Variants in DOK6 observed in about 807,000 individuals in gnomAD.
The protein encoded by DOK6 is docking protein 6.
In DOK6, 22 loss-of-function variants were observed where a neutral mutation model predicts 44.0. The observed-to-expected ratio is 0.50, with a 90% CI of 0.36 to 0.71. The LOEUF (loss-of-function observed/expected upper bound fraction) is 0.71, where lower values mean the gene tolerates loss of function less well. Among genes scored for constraint, DOK6 ranks in the 30% least tolerant of loss-of-function variants. The pLI is 0.00. For synonymous variants in DOK6, 166 were observed against 145.5 expected, an observed-to-expected ratio of 1.14 and a Z score of -1.01; for missense variants, 340 against 416.4, an observed-to-expected ratio of 0.82 and a Z score of 1.60.
chr18:69,742,026 T>C (rs1312497776), intron 6 of DOK6, among the ~76,000 whole-genome samples: 1 of 152,198 alleles, frequency 6.6e-6, no homozygotes, highest in Non-Finnish European at 1.5e-5. Context: ...CCCACTTTCT[T>C]TGGGGGGCCA....
rs1296084519 is a variant in DOK6 at position 69,400,891 on chromosome 18, C to A, written c.-354C>A. ...CGGTGGTGCGCTCCGGCCAGCTGTG[C>A]GCCGCCGAGCGAGGCGCCAGCCCGT... On this transcript the variant is annotated 5_prime_UTR_variant, in exon 1 of 8. Coordinates refer to ENST00000382713, the MANE Select transcript of DOK6 (RefSeq NM_152721.6). Among the ~76,000 whole-genome samples the A allele has an allele frequency of 6.8e-6, 1 of 148,050 alleles. No homozygotes were observed. Among genetic ancestry groups the A allele is most frequent in the South Asian group, 2.1e-4 (1 of 4,826 alleles).
chr18:69,507,320 C>T (rs1455165935), intron 1 of DOK6, among the ~76,000 whole-genome samples: 1 of 152,140 alleles, frequency 6.6e-6, no homozygotes, highest in Admixed American at 6.5e-5. Flanking sequence ...AGCCACCGTG[C>T]CCAGCCGGTA....
chr18:69,841,977 T>TGTGTGTGC lies in DOK6; in HGVS notation c.*598_*599insGTGCGTGT, dbSNP rs1982237997. The TGTGTGTGC allele has an allele frequency of 6.5e-6, 1 of 153,088 alleles. No individual in the cohort carries two copies. Among genetic ancestry groups the TGTGTGTGC allele is most frequent in the Non-Finnish European group, 1.5e-5 (1 of 68,778 alleles). 9.5% of individuals were successfully genotyped at this position (153,088 alleles called of 1,614,324 possible). ...GTGTGTGTGTGCGTGTGTGTGTGTG[T>TGTGTGTGC]GTGTAGACAAATGGATATTGCTATA... On this transcript the variant is annotated 3_prime_UTR_variant, in exon 8 of 8. Coordinates refer to ENST00000382713, the MANE Select transcript of DOK6 (RefSeq NM_152721.6).
At chr18:69,478,705 T>C (rs1292324872) in intron 1 of DOK6, among the ~76,000 whole-genome samples, 1 of 152,186 alleles carries the variant, frequency 6.6e-6, no homozygotes, top group Non-Finnish European at 1.5e-5. Context: ...GAGTTTACTA[T>C]TTATCCAATA....
At chr18:69,464,710 GAAGA>G (rs1204383754) in intron 1 of DOK6, among the ~76,000 whole-genome samples, 1 of 152,182 alleles carries the variant, frequency 6.6e-6, no homozygotes, top group East Asian at 1.9e-4. Flanking sequence ...CGCTAATTGT[GAAGA>G]AAGTCAGTCT....
At chr18:69,626,895 A>T (rs745941734) in intron 3 of DOK6, among the ~76,000 whole-genome samples, 1 of 152,218 alleles carries the variant, frequency 6.6e-6, no homozygotes, top group Non-Finnish European at 1.5e-5. Flanking sequence ...TCTAAAGTAA[A>T]TGCTCCAAGG....
chr18:69,839,224 C>G (rs1357661255), intron 7 of DOK6, among the ~76,000 whole-genome samples: 1 of 150,570 alleles, frequency 6.6e-6, no homozygotes, highest in Middle Eastern at 3.3e-3. Context: ...CCCAGTCTCT[C>G]CCTAACTCAT....
chr18:69,481,587 G>A (rs1980423724), intron 1 of DOK6, among the ~76,000 whole-genome samples: 1 of 152,166 alleles, frequency 6.6e-6, no homozygotes. Context: ...ATACCATGGT[G>A]TATGTGTGCC....
intron 3 of DOK6, among the ~76,000 whole-genome samples, chr18:69,649,457 C>T: frequency 6.6e-6 from 1 of 152,100 alleles, no homozygotes. Context: ...CTAGGGTTGC[C>T]TCCCACTCAC....
At chr18:69,769,245 T>C (rs1979816303) in intron 7 of DOK6, among the ~76,000 whole-genome samples, 1 of 152,108 alleles carries the variant, frequency 6.6e-6, no homozygotes, top group African/African-American at 2.4e-5. Context: ...ACAAAATTTC[T>C]TACTGACAAT....
rs1369065484 is a variant in DOK6 at position 69,847,405 on chromosome 18, T to C, written c.*6022T>C. The C allele has an allele frequency of 6.6e-6, 1 of 152,240 alleles. No homozygotes were observed. Among genetic ancestry groups the C allele is most frequent in the Non-Finnish European group, 1.5e-5 (1 of 68,032 alleles). The allele number at this position is 152,240 out of a possible 1,614,324, so 9.4% of individuals were successfully genotyped here. A position where few individuals can be genotyped will look rare whatever the true frequency, so the allele number is the denominator to read the frequency against. On this transcript the variant is annotated 3_prime_UTR_variant, in exon 8 of 8. Coordinates refer to ENST00000382713, the MANE Select transcript of DOK6 (RefSeq NM_152721.6). ...TGCTAATGTTAGGATTGAATTGTTC[T>C]ATTAATTCCCTCAAGAGACCCACAG...
At chr18:69,609,822 A>G (rs900556151) in intron 3 of DOK6, among the ~76,000 whole-genome samples, 2 of 152,262 alleles carry the variant, frequency 1.3e-5, no homozygotes, top group Admixed American at 6.5e-5. Flanking sequence ...GAATATACAT[A>G]CAATAGAGTA....
chr18:69,716,734 C>G (rs1247073259), intron 5 of DOK6, among the ~76,000 whole-genome samples: 1 of 149,260 alleles, frequency 6.7e-6, no homozygotes, highest in Non-Finnish European at 1.5e-5. Flanking sequence ...TACCTATAAC[C>G]AGGAACTGGC....
chr18:69,698,144 A>T (rs1986428837), intron 4 of DOK6, among the ~76,000 whole-genome samples: 1 of 152,190 alleles, frequency 6.6e-6, no homozygotes, highest in South Asian at 2.1e-4. Context: ...CAATTTAACT[A>T]CTTAATCCTC....
chr18:69,734,393 CAAAAAAAAAAA>C (rs60831756), intron 5 of DOK6, among the ~76,000 whole-genome samples: 5 of 48,500 alleles, frequency 1.0e-4, no homozygotes, highest in African/African-American at 1.4e-4. Context: ...TTCATAGCAG[CAAAAAAAAAAA>C]AAAAAAAAAA....
intron 1 of DOK6, among the ~76,000 whole-genome samples, chr18:69,516,031 A>T (rs540377414): frequency 1.3e-5 from 2 of 152,366 alleles, no homozygotes; most frequent in Middle Eastern, 3.4e-3. Context: ...GTAACTTTGT[A>T]AATTCCAACA....
intron 1 of DOK6, among the ~76,000 whole-genome samples, chr18:69,434,695 G>A (rs1026380559): frequency 2.3e-5 from 3 of 129,482 alleles, no homozygotes; most frequent in Admixed American, 8.4e-5. Context: ...AGGCAGAGGC[G>A]GGCGGATCAC....
chr18:69,551,745 A>T (rs544366776), intron 1 of DOK6, among the ~76,000 whole-genome samples: 2 of 152,344 alleles, frequency 1.3e-5, no homozygotes, highest in South Asian at 4.1e-4. Flanking sequence ...GGAAATTCAT[A>T]TATTGAAACA....
At chr18:69,525,571 C>A (rs944460712) in intron 1 of DOK6, among the ~76,000 whole-genome samples, 1 of 151,882 alleles carries the variant, frequency 6.6e-6, no homozygotes, top group African/African-American at 2.4e-5. Context: ...GTACACTTGC[C>A]TTGGTTGAGA....
Sources: gnomAD v4.1 joint callset for allele counts (sites outside exome capture counted in the v4.1 genomes callset) on GRCh38, gnomAD v4.1.1 for gene constraint, MANE v1.5 for transcripts, NCBI Gene and HGNC (gene_info 2026-07-23, HGNC 2026-07-21) for gene names.